FHIP2A: variants seen among roughly 807,000 people sequenced by gnomAD.
The protein encoded by FHIP2A is family with sequence similarity 160 member B1.
Under a neutral mutation model 93.5 loss-of-function variants are expected in FHIP2A, and 46 were observed. The ratio of observed to expected loss-of-function variants is 0.49; its 90% CI spans 0.39 to 0.63. The LOEUF (loss-of-function observed/expected upper bound fraction) is 0.63. FHIP2A is among the 20% of genes least tolerant of loss of function. FHIP2A has a pLI of 0.00. For synonymous variants in FHIP2A, 332 were observed against 326.5 expected, an observed-to-expected ratio of 1.02 and a Z score of -0.18; for missense variants, 769 against 909.7, an observed-to-expected ratio of 0.85 and a Z score of 1.99.
chr10:114,839,110 G>A (rs1271666550), intron 5 of FHIP2A, among the ~76,000 whole-genome samples: 1 of 152,008 alleles, frequency 6.6e-6, no homozygotes, highest in African/African-American at 2.4e-5. Flanking sequence ...AATCTTTAGG[G>A]AGACGCAGCG....
At chr10:114,894,627 A>T (rs906404211) in intron 16 of FHIP2A, among the ~76,000 whole-genome samples, 1 of 152,122 alleles carries the variant, frequency 6.6e-6, no homozygotes. Flanking sequence ...AACTATATGG[A>T]AAAGGACATT....
chr10:114,886,548 T>C (rs2083943792), intron 16 of FHIP2A, among the ~76,000 whole-genome samples: 1 of 152,168 alleles, frequency 6.6e-6, no homozygotes, highest in African/African-American at 2.4e-5. Flanking sequence ...TGTGTTTTGG[T>C]TTTTGGGTTT....
chr10:114,867,584 T>C (rs1350011981), downstream of FHIP2A, among the ~76,000 whole-genome samples: 1 of 152,240 alleles, frequency 6.6e-6, no homozygotes, highest in Non-Finnish European at 1.5e-5. Flanking sequence ...TTGACAGCGT[T>C]CTTTATTGTC....
Position 114,843,223 on chromosome 10 carries a change from T to G in FHIP2A, c.813T>G (p.Ser271Arg). The stretch of plus-strand genomic sequence containing the variant: ...ATTCTTTGTTAAATCTTACTAGAAG[T>G]CCTGTGAGTTATGGTCCTTACTTTT... ...LVNSLLNLTR[S>R]PDGRIAVKAC... Residue 271 changes from serine (S) to arginine (R), a missense_variant, in exon 6 of 17, where the codon AGT (serine) becomes AGG (arginine). By Grantham distance (110) the Ser-to-Arg change is moderately radical. Transcript: ENST00000369248. 6.2e-7 allele frequency: 1 copy of G among 1,608,652 alleles called. No homozygotes were observed. The highest frequency in any genetic ancestry group is 8.5e-7 in the Non-Finnish European group (1 of 1,175,948).
downstream of FHIP2A, among the ~76,000 whole-genome samples, chr10:114,865,821 T>TA (rs2083826169): frequency 1.5e-5 from 2 of 136,678 alleles, no homozygotes; most frequent in Non-Finnish European, 3.2e-5. Context: ...AAAAAAAAAA[T>TA]AGATATAAGC....
chr10:114,896,193 A>G lies in FHIP2A; in HGVS notation c.2193-3297A>G, dbSNP rs553958213. 6.6e-5 allele frequency among the ~76,000 whole-genome samples: 10 copies of G among 152,276 alleles called. No homozygotes were observed. The East Asian group carries it at 1.9e-3, about 29-fold the overall frequency. On this transcript the variant is annotated intron_variant, in intron 16 of 16. Transcript: ENST00000369250. Reference sequence around the variant, plus strand: ...ATCTAGAGACCCTCTTAGTACTTCTATGCACAATAGTAAAAGGTAATAGAA... The same window carrying G: ...ATCTAGAGACCCTCTTAGTACTTCTGTGCACAATAGTAAAAGGTAATAGAA...
chr10:114,832,401 A>T (rs1053783398), intron 2 of FHIP2A, among the ~76,000 whole-genome samples: 1 of 152,200 alleles, frequency 6.6e-6, no homozygotes, highest in Non-Finnish European at 1.5e-5. Context: ...AATTAAGGAC[A>T]TTAAGTGACA....
At chr10:114,880,555 C>T (rs2083911618) in intron 16 of FHIP2A, among the ~76,000 whole-genome samples, 2 of 152,068 alleles carry the variant, frequency 1.3e-5, no homozygotes, top group African/African-American at 4.8e-5. Context: ...TGGTGCACGC[C>T]TGTAATCCCA....
Position 114,864,508 on chromosome 10 carries a change from AT to A in FHIP2A, c.*2975del. The stretch of plus-strand genomic sequence containing the variant: ...TTACATTAAACAGGATATTTGGTAA[AT>A]TTTTTTGTATTGAAAGTTGTGTAGG... On this transcript the variant is annotated 3_prime_UTR_variant, in exon 17 of 17. Coordinates refer to ENST00000369248, the MANE Select transcript of FHIP2A (RefSeq NM_020940.4). 1 of 985,656 alleles carries A rather than the reference AT, an allele frequency of 1.0e-6. No individual in the cohort carries two copies. The highest frequency in any genetic ancestry group is 1.2e-6 in the Non-Finnish European group (1 of 829,890). 61.1% of individuals were successfully genotyped at this position (985,656 alleles called of 1,614,324 possible). A position where few individuals can be genotyped will look rare whatever the true frequency, so the allele number is the denominator to read the frequency against.
At chr10:114,848,082 T>C (rs1201314790) in intron 12 of FHIP2A, among the ~76,000 whole-genome samples, 1 of 152,228 alleles carries the variant, frequency 6.6e-6, no homozygotes, top group Non-Finnish European at 1.5e-5. Flanking sequence ...GGCTATTCCT[T>C]TTTGTTAGTT....
At chr10:114,845,621 TG>T in intron 8 of FHIP2A, 140 bp downstream of exon 8, 1 of 612,828 alleles carries the variant, frequency 1.6e-6, no homozygotes, top group Non-Finnish European at 2.8e-6. Flanking sequence ...AACAAAAAAG[TG>T]TATATGTGTT....
At chr10:114,823,137 A>G (rs1174617336) in intron 1 of FHIP2A, among the ~76,000 whole-genome samples, 1 of 152,252 alleles carries the variant, frequency 6.6e-6, no homozygotes, top group African/African-American at 2.4e-5. Context: ...TGTACACTTT[A>G]AAAATGTCAG....
At chr10:114,878,491 A>G (rs564176722) in intron 16 of FHIP2A, among the ~76,000 whole-genome samples, 147 of 152,314 alleles carry the variant, frequency 9.7e-4, no homozygotes, top group Non-Finnish European at 1.8e-3. Context: ...AGAAAAGAGA[A>G]GCCTTGGCTG....
rs766802087 is a variant in FHIP2A at position 114,845,964 on chromosome 10, GTCTT to G, written c.1129-43_1129-40del. ...ACTGATTTATTGATGTTACAAATTA[GTCTT>G]TCTTTTATATTAAAAAAAAAAATGA... On this transcript the variant is annotated intron_variant, in intron 8 of 16. Transcript: ENST00000369248. 6.5e-6 allele frequency: 9 copies of G among 1,385,222 alleles called. No homozygotes were observed. The East Asian group carries it at 6.9e-5, about 11-fold the overall frequency. The allele number at this position is 1,385,222 out of a possible 1,614,324, so 85.8% of individuals were successfully genotyped here.
chr10:114,841,374 C>A (rs1445082405), intron 5 of FHIP2A, among the ~76,000 whole-genome samples: 1 of 144,052 alleles, frequency 6.9e-6, no homozygotes, highest in Non-Finnish European at 1.5e-5. Context: ...CTCACTGCAA[C>A]CTCTGCCTCC....
intron 16 of FHIP2A, among the ~76,000 whole-genome samples, chr10:114,872,503 C>T (rs2083864816): frequency 6.6e-6 from 1 of 152,210 alleles, no homozygotes; most frequent in Non-Finnish European, 1.5e-5. Context: ...TCTCACTGCT[C>T]TGTTTTAGAC....
At chr10:114,858,346 ATTTCT>A (rs2083778851) in intron 14 of FHIP2A, among the ~76,000 whole-genome samples, 1 of 152,326 alleles carries the variant, frequency 6.6e-6, no homozygotes, top group South Asian at 2.1e-4. Flanking sequence ...TCAGCCTTAA[ATTTCT>A]TAAGCAACCT....
chr10:114,848,757 G>A lies in FHIP2A; in HGVS notation c.1803+20G>A, dbSNP rs2083717258. On this transcript the variant is annotated intron_variant, in intron 13 of 16. Coordinates refer to ENST00000369248, the MANE Select transcript of FHIP2A (RefSeq NM_020940.4). ...AGGCAGGTAGGTGAAGTCACTAAAT[G>A]TTGGAAATGAAATCTAAGAATAGAC... 1.9e-6 allele frequency: 3 copies of A among 1,538,940 alleles called. No homozygotes were observed. The highest frequency in any genetic ancestry group is 2.7e-6 in the Non-Finnish European group (3 of 1,113,704).
chr10:114,858,991 A>G (rs2083782449), intron 14 of FHIP2A, among the ~76,000 whole-genome samples: 1 of 152,054 alleles, frequency 6.6e-6, no homozygotes, highest in Admixed American at 6.6e-5. Flanking sequence ...CCCCCCCAAA[A>G]TAGGTACAAT....
Sources: allele counts gnomAD v4.1 joint callset (sites outside exome capture counted in the v4.1 genomes callset), GRCh38; gene constraint gnomAD v4.1.1; transcripts MANE v1.5; gene names NCBI Gene and HGNC (gene_info 2026-07-23, HGNC 2026-07-21).